Variants in SSBP4 observed in about 807,000 individuals in gnomAD.
The protein encoded by SSBP4 is single stranded DNA binding protein 4.
SSBP4 carries 33 observed loss-of-function variants against 64.6 expected under a neutral mutation model. That is an observed-to-expected ratio of 0.51 (90% CI 0.39 to 0.68). The LOEUF is 0.68. Among genes scored for constraint, SSBP4 ranks in the 30% least tolerant of loss-of-function variants. The probability of loss-of-function intolerance (pLI) is 0.00; values close to 1 mark genes in which losing one functional copy is unlikely to be tolerated. For synonymous variants in SSBP4, 243 were observed against 224.0 expected (o/e 1.08, Z -0.76); for missense variants, 583 against 566.8 (o/e 1.03, Z -0.29).
chr19:18,427,336 G>A lies in SSBP4; in HGVS notation c.60-15G>A, dbSNP rs371247642. Reference sequence around the variant, plus strand: ...TTGGAGAGTCTGAGCTCCCTGGGCCGCCTCGCCCCCACAGGTTGGCGCTGT... The same window carrying A: ...TTGGAGAGTCTGAGCTCCCTGGGCCACCTCGCCCCCACAGGTTGGCGCTGT... On this transcript the variant is annotated splice_polypyrimidine_tract_variant and intron_variant, in intron 1 of 17. Coordinates refer to ENST00000270061, the MANE Select transcript of SSBP4 (RefSeq NM_032627.5). This position sits in a 1 kb window ranked among gnomAD's most constrained non-coding sequence, Gnocchi z 4.4. The A allele has an allele frequency of 2.4e-5, 38 of 1,607,826 alleles. No individual in the cohort carries two copies. In the African/African-American group the frequency reaches 3.5e-4, roughly 15 times the overall value.
rs1973410685 is a variant in SSBP4 at position 18,431,813 on chromosome 19, C to T, written c.516C>T (p.Gly172=). 1 of 1,564,164 alleles carries T rather than the reference C, an allele frequency of 6.4e-7. No individual in the cohort carries two copies. Among genetic ancestry groups the T allele is most frequent in the East Asian group, 2.4e-5 (1 of 41,998 alleles). ...MPSQPPAGLP[G]SQPLLPGAME... ...CGCAGCCTCCCGCAGGCCTCCCTGGCTCCCAGCCCCTCCTCCCTGGCGCCA... is the reference window on the plus strand; with the variant it reads ...CGCAGCCTCCCGCAGGCCTCCCTGGTTCCCAGCCCCTCCTCCCTGGCGCCA... Residue 172 remains glycine, a synonymous_variant, in exon 8 of 18, where the codon GGC becomes GGT. Coordinates refer to ENST00000270061, the MANE Select transcript of SSBP4 (RefSeq NM_032627.5).
At chr19:18,414,083 A>G (rs1972113598), upstream of SSBP4, among the ~76,000 whole-genome samples, 1 of 152,210 alleles carries the variant, frequency 6.6e-6, no homozygotes, top group African/African-American at 2.4e-5. Flanking sequence ...GAGGAGTAGC[A>G]GAAGCTGGCG....
In SSBP4 at chr19:18,433,162, C is replaced by G; in HGVS notation, c.940C>G (p.Pro314Ala). ...NFPLGPGPEG[P>A]MAAMSAMEPH... ...CCCGCTCGGCCCTGGCCCGGAGGGC[C>G]CCATGGCCGCCATGAGCGCGATGGA... The change falls in exon 15 of 18, where the codon CCC becomes GCC. Residue 314 changes from proline (P) to alanine (A), a missense_variant. Around this residue, in one of 5 missense-constraint regions of SSBP4, gnomAD observed 444 missense variants for 386.6 expected, o/e 1.15. Transcript: ENST00000270061. 1 of 1,597,074 alleles carries G rather than the reference C, an allele frequency of 6.3e-7. No homozygotes were observed. Among genetic ancestry groups the G allele is most frequent in the East Asian group, 2.3e-5 (1 of 44,034 alleles).
At chr19:18,415,026 AC>A (rs1568337730), upstream of SSBP4, among the ~76,000 whole-genome samples, 1 of 151,176 alleles carries the variant, frequency 6.6e-6, no homozygotes, top group Admixed American at 6.6e-5. Context: ...CATGCTGGCC[AC>A]CCCCAGCCTT....
At chr19:18,417,071 TTCCCTCCC>T (rs1301304598), upstream of SSBP4, among the ~76,000 whole-genome samples, 4 of 147,466 alleles carry the variant, frequency 2.7e-5, no homozygotes, top group Admixed American at 6.7e-5. This position sits in a 1 kb window ranked among gnomAD's most constrained non-coding sequence, Gnocchi z 5.4. Context: ...CCCTCCCTCC[TTCCCTCCC>T]TCCCTCCGCC....
In SSBP4 at chr19:18,433,123, C is replaced by G; in HGVS notation, c.913-12C>G. The G allele has an allele frequency of 1.2e-6, 2 of 1,611,198 alleles. No homozygotes were observed. Among genetic ancestry groups the G allele is most frequent in the East Asian group, 2.2e-5 (1 of 44,800 alleles). On this transcript the variant is annotated splice_polypyrimidine_tract_variant and intron_variant, in intron 14 of 17. Coordinates refer to ENST00000270061, the MANE Select transcript of SSBP4 (RefSeq NM_032627.5). ...GGGTGGCCCGAGTCCCACGCTGTCC[C>G]CATGCCCGCAGTTCCCGCTCGGCCC...
At chr19:18,431,945 G>A in intron 8 of SSBP4, 55 bp from the exon 9 acceptor site, 1 of 1,558,328 alleles carries the variant, frequency 6.4e-7, no homozygotes, top group Admixed American at 1.8e-5. Flanking sequence ...CCTCCCCACT[G>A]TCCACACTGG....
the SSBP4 span, among the ~76,000 whole-genome samples, chr19:18,411,104 C>A: frequency 3.9e-5 from 6 of 151,940 alleles, no homozygotes; most frequent in African/African-American, 1.5e-4. Context: ...GTGAGACCCC[C>A]TTCTCTACAA....
chr19:18,426,382 C>G lies in SSBP4; in HGVS notation c.60-969C>G, dbSNP rs1019542040. Among the ~76,000 whole-genome samples, 4 of 152,170 alleles carry G rather than the reference C, an allele frequency of 2.6e-5. No homozygotes were observed. Among genetic ancestry groups the G allele is most frequent in the African/African-American group, 9.7e-5 (4 of 41,430 alleles). The stretch of plus-strand genomic sequence containing the variant: ...GTACCCTGTCTTGAATCTAAGAGTC[C>G]CCCAACCCCCAGCAGACTCTCGTGG... On this transcript the variant is annotated intron_variant, in intron 1 of 17. Coordinates refer to ENST00000270061, the MANE Select transcript of SSBP4 (RefSeq NM_032627.5). This position sits in a 1 kb window ranked among gnomAD's most constrained non-coding sequence, Gnocchi z 4.5.
the SSBP4 span, among the ~76,000 whole-genome samples, chr19:18,403,155 G>A: frequency 6.6e-6 from 1 of 152,176 alleles, no homozygotes; most frequent in Non-Finnish European, 1.5e-5. Flanking sequence ...GCACATCCAG[G>A]CACAGTACCT....
chr19:18,430,989 TG>T lies in SSBP4; in HGVS notation c.369+67del, dbSNP rs533134447. The T allele has an allele frequency of 4.1e-3, 6,389 of 1,559,610 alleles. 29 individuals carry two copies. The highest frequency in any genetic ancestry group is 0.01 in the South Asian group (917 of 88,130). On this transcript the variant is annotated intron_variant, in intron 5 of 17. Coordinates refer to ENST00000270061, the MANE Select transcript of SSBP4 (RefSeq NM_032627.5). Reference sequence around the variant, plus strand: ...CTCTGGCTGAACATGCGTTTGAGGGTGGGGGGGGTCCCACGTGGGCAGAGGT... The same window carrying T: ...CTCTGGCTGAACATGCGTTTGAGGGTGGGGGGGTCCCACGTGGGCAGAGGT...
At position 18,433,222 on chromosome 19, in the gene SSBP4, G is replaced by A; in HGVS notation, c.991+9G>A. The stretch of plus-strand genomic sequence containing the variant: ...CGTGAACGGATCCCTGGGTGAGTGG[G>A]CGTCCCTGCTCCCGCCCACGTTGCC... On this transcript the variant is annotated intron_variant, in intron 15 of 17. Transcript: ENST00000270061. The A allele has an allele frequency of 1.3e-6, 2 of 1,555,178 alleles. No homozygotes were observed. Among genetic ancestry groups the A allele is most frequent in the Non-Finnish European group, 1.7e-6 (2 of 1,150,128 alleles).
upstream of SSBP4, among the ~76,000 whole-genome samples, chr19:18,418,467 C>G (rs566562756): frequency 6.6e-6 from 1 of 152,226 alleles, no homozygotes; most frequent in African/African-American, 2.4e-5. This position sits in a 1 kb window ranked among gnomAD's most constrained non-coding sequence, Gnocchi z 6.7. Flanking sequence ...AGGGCACCCA[C>G]TGCCTGCACC....
chr19:18,432,727 A>C lies in SSBP4; in HGVS notation c.778A>C (p.Ser260Arg). 1 of 1,591,762 alleles carries C rather than the reference A, an allele frequency of 6.3e-7. No homozygotes were observed. Among genetic ancestry groups the C allele is most frequent in the Non-Finnish European group, 8.6e-7 (1 of 1,164,446 alleles). ...CCCCTACTCCTCCTCATCCCCCGGC[A>C]GCTACACCGTAAGTCTGAGCAAAGC... ...SIPYSSSSPG[S>R]YTGPPGGGGP... The change falls in exon 12 of 18, where the codon AGC becomes CGC. Residue 260 changes from serine to arginine, a missense_variant. Physicochemically the swap from Ser to Arg is moderately radical, Grantham distance 110. Transcript: ENST00000270061.
At position 18,433,829 on chromosome 19, in the gene SSBP4, C is replaced by T. The variant is rs1427582393; in HGVS notation, c.1128+12C>T. 13 of 1,408,016 alleles carry T rather than the reference C, an allele frequency of 9.2e-6. No homozygotes were observed. The highest frequency in any genetic ancestry group is 1.2e-5 in the Non-Finnish European group (13 of 1,084,568). 87.2% of individuals were successfully genotyped at this position (1,408,016 alleles called of 1,614,324 possible). On this transcript the variant is annotated intron_variant, in intron 17 of 17. Transcript: ENST00000270061. ...TCCCGAGCGAAAGCGTAAGCGACTG[C>T]GTCGACTCCCCCCCCGCGGCGGCGT...
rs1008917231 is a variant in SSBP4 at position 18,427,232 on chromosome 19, C to A, written c.60-119C>A. 3 of 994,872 alleles carry A rather than the reference C, an allele frequency of 3.0e-6. No individual in the cohort carries two copies. Among genetic ancestry groups the A allele is most frequent in the Non-Finnish European group, 4.5e-6 (3 of 665,338 alleles). 61.6% of individuals were successfully genotyped at this position (994,872 alleles called of 1,614,324 possible). A position where few individuals can be genotyped will look rare whatever the true frequency, so the allele number is the denominator to read the frequency against. On this transcript the variant is annotated intron_variant, in intron 1 of 17. Transcript: ENST00000270061. This position sits in a 1 kb window ranked among gnomAD's most constrained non-coding sequence, Gnocchi z 4.4. ...ATAGATGGATAACTATGAGCTGTCC[C>A]TGCTGAGCAGCTGGTGGGGAGGCCA...
At chr19:18,415,383 G>A (rs1480562359), upstream of SSBP4, among the ~76,000 whole-genome samples, 4 of 152,106 alleles carry the variant, frequency 2.6e-5, no homozygotes, top group Non-Finnish European at 4.4e-5. Flanking sequence ...AACCCAACCC[G>A]GCCTCCTCTG....
Position 18,430,854 on chromosome 19 carries a change from C to T in SSBP4, c.293C>T (p.Ala98Val), listed in dbSNP as rs1973304457. 5 of 1,612,790 alleles carry T rather than the reference C, an allele frequency of 3.1e-6. No individual in the cohort carries two copies. The highest frequency in any genetic ancestry group is 2.2e-5 in the East Asian group (1 of 44,866). The change falls in exon 5 of 18, where the codon GCC becomes GTC. Residue 98 changes from alanine (A) to valine (V), a missense_variant. Physicochemically the swap from Ala to Val is moderately conservative, Grantham distance 64. Coordinates refer to ENST00000270061, the MANE Select transcript of SSBP4 (RefSeq NM_032627.5). ...KAFQDYSAAAAPSPVMGSMAP... is the reference protein window; with the variant it reads ...KAFQDYSAAAVPSPVMGSMAP... The stretch of plus-strand genomic sequence containing the variant: ...GCACCCTTACAGAGTGCTGCAGCCG[C>T]CCCCAGCCCCGTTATGGGGAGTATG...
At position 18,432,891 on chromosome 19, in the gene SSBP4, C is replaced by T; in HGVS notation, c.841+8C>T. The T allele has an allele frequency of 6.2e-7, 1 of 1,614,028 alleles. No individual in the cohort carries two copies. The highest frequency in any genetic ancestry group is 8.5e-7 in the Non-Finnish European group (1 of 1,179,984). On this transcript the variant is annotated splice_region_variant and intron_variant, in intron 13 of 17. Transcript: ENST00000270061. ...TCATGCCTAGCCCTGGAGGTATGGC[C>T]TAGTAAGAGGTGGGGGTGTGCTAGG...
Sources: gnomAD v4.1 joint callset for allele counts (sites outside exome capture counted in the v4.1 genomes callset) on GRCh38, gnomAD v4.1.1 for gene constraint, gnomAD v4.1.1 regional missense constraint, Gnocchi (gnomAD v3.1) non-coding constraint, MANE v1.5 for transcripts, NCBI Gene and HGNC (gene_info 2026-07-23, HGNC 2026-07-21) for gene names.